Variants in ALDH5A1 observed in about 807,000 individuals in gnomAD.
ALDH5A1 encodes the protein succinate-semialdehyde dehydrogenase, mitochondrial.
ALDH5A1 carries 33 observed loss-of-function variants against 54.7 expected under a neutral mutation model. The observed-to-expected ratio is 0.60, with a 90% CI of 0.46 to 0.81. ALDH5A1 has a LOEUF of 0.81. ALDH5A1 is among the 30% of genes least tolerant of loss of function. ALDH5A1 has a pLI of 0.00. For synonymous variants in ALDH5A1, 294 were observed against 292.7 expected (o/e 1.00, Z -0.05); for missense variants, 657 against 711.0 (o/e 0.92, Z 0.86).
chr6:24,509,620 G>A lies in ALDH5A1; in HGVS notation c.726+4635G>A, dbSNP rs758193525. Among the ~76,000 whole-genome samples the A allele has an allele frequency of 2.0e-5, 3 of 152,098 alleles. No homozygotes were observed. ...TAGTTTATGTGTGTAAAGGTGTTCAGAGTAGCCTTGAATGATCTTTTGTAC... is the reference window on the plus strand; with the variant it reads ...TAGTTTATGTGTGTAAAGGTGTTCAAAGTAGCCTTGAATGATCTTTTGTAC... On this transcript the variant is annotated intron_variant, in intron 4 of 9. Coordinates refer to ENST00000357578, the MANE Select transcript of ALDH5A1 (RefSeq NM_001080.3). The surrounding 1 kb of genome is among the most constrained non-coding windows in gnomAD (Gnocchi z 4.7).
At chr6:24,506,755 A>G (rs562370697) in intron 4 of ALDH5A1, among the ~76,000 whole-genome samples, 172 of 152,288 alleles carry the variant, frequency 1.1e-3, no homozygotes, top group African/African-American at 3.9e-3. Flanking sequence ...TTATTTTAGA[A>G]TAGTTTTACA....
At chr6:24,514,691 A>G (rs1188817031) in intron 4 of ALDH5A1, among the ~76,000 whole-genome samples, 5 of 152,048 alleles carry the variant, frequency 3.3e-5, no homozygotes, top group Non-Finnish European at 7.4e-5. Context: ...GATTATGCCA[A>G]TGCACTCCAG....
chr6:24,531,667 A>T (rs149858359), intron 8 of ALDH5A1, among the ~76,000 whole-genome samples: 1,959 of 152,304 alleles, frequency 0.013, 82 homozygotes, highest in Non-Finnish European at 8.3e-3. Context: ...GGAGACTCCA[A>T]GCATCGTGCC....
chr6:24,519,530 A>T (rs1019481264), intron 5 of ALDH5A1, among the ~76,000 whole-genome samples: 1 of 152,122 alleles, frequency 6.6e-6, no homozygotes, highest in South Asian at 2.1e-4. Context: ...GCGCCACTGC[A>T]CTACAGCCTG....
At chr6:24,531,373 G>C (rs920150934) in intron 8 of ALDH5A1, among the ~76,000 whole-genome samples, 3 of 152,196 alleles carry the variant, frequency 2.0e-5, no homozygotes, top group African/African-American at 7.2e-5. Flanking sequence ...AGTTGACTAT[G>C]ATGTAGCTCT....
chr6:24,528,297 C>A, intron 8 of ALDH5A1, 131 bp downstream of exon 8: 1 of 971,672 alleles, frequency 1.0e-6, no homozygotes, highest in Non-Finnish European at 1.6e-6. Flanking sequence ...CATTGAAGAG[C>A]AGAGTGCAAT....
At chr6:24,498,838 C>T (rs763968187) in intron 1 of ALDH5A1, among the ~76,000 whole-genome samples, 7 of 152,192 alleles carry the variant, frequency 4.6e-5, no homozygotes, top group Non-Finnish European at 7.3e-5. Context: ...GTGGCTCACA[C>T]TTGTAATCCC....
At chr6:24,526,973 T>A (rs1357496652) in intron 7 of ALDH5A1, among the ~76,000 whole-genome samples, 76 of 6,762 alleles carry the variant, frequency 0.011, no homozygotes, top group African/African-American at 0.023. Context: ...TATGTGTGTG[T>A]GTATATATAT....
At chr6:24,495,472 A>G in intron 1 of ALDH5A1, 122 bp downstream of exon 1, 1 of 977,314 alleles carries the variant, frequency 1.0e-6, no homozygotes, top group Non-Finnish European at 1.5e-6. Flanking sequence ...TCCCCAGGGT[A>G]TACAAAGTGG....
intron 4 of ALDH5A1, 87 bp downstream of exon 4, chr6:24,505,072 C>G (rs1759311872): frequency 2.1e-6 from 3 of 1,405,882 alleles, no homozygotes; most frequent in Non-Finnish European, 3.0e-6. Context: ...ATTTTGGAGC[C>G]TACTTCTTTG....
intron 4 of ALDH5A1, among the ~76,000 whole-genome samples, chr6:24,508,102 C>T (rs574392647): frequency 2.2e-4 from 33 of 152,014 alleles, no homozygotes; most frequent in Non-Finnish European, 2.6e-4. Context: ...CGGTGGCTCA[C>T]GCCTGTAATC....
At chr6:24,515,456 G>A (rs903221394) in intron 5 of ALDH5A1, 146 bp downstream of exon 5, 8 of 976,142 alleles carry the variant, frequency 8.2e-6, no homozygotes, top group South Asian at 1.5e-5. Flanking sequence ...CAAGCACGGC[G>A]GCTCATGCCT....
At chr6:24,500,988 A>G (rs950295196) in intron 1 of ALDH5A1, among the ~76,000 whole-genome samples, 4 of 152,226 alleles carry the variant, frequency 2.6e-5, no homozygotes, top group Non-Finnish European at 5.9e-5. Context: ...TAAGGGGAAG[A>G]TAAGATTTCT....
intron 1 of ALDH5A1, among the ~76,000 whole-genome samples, chr6:24,498,696 G>A (rs1334993479): frequency 2.0e-5 from 3 of 152,186 alleles, no homozygotes; most frequent in Admixed American, 2.0e-4. Flanking sequence ...GGGCACGGTG[G>A]CTAACGCCTG....
intron 6 of ALDH5A1, among the ~76,000 whole-genome samples, chr6:24,521,924 T>C (rs1000732283): frequency 6.1e-5 from 9 of 146,954 alleles, no homozygotes; most frequent in African/African-American, 2.3e-4. Context: ...TGAAGTGTAG[T>C]GGCATGATGT....
At chr6:24,519,328 G>A (rs539951449) in intron 5 of ALDH5A1, among the ~76,000 whole-genome samples, 1 of 152,184 alleles carries the variant, frequency 6.6e-6, no homozygotes. Context: ...ACTTTGGGAG[G>A]CTGAGGCAGA....
At chr6:24,525,663 G>A (rs1015447902) in intron 7 of ALDH5A1, among the ~76,000 whole-genome samples, 7 of 152,178 alleles carry the variant, frequency 4.6e-5, no homozygotes, top group African/African-American at 1.7e-4. Flanking sequence ...AGCAGAGATC[G>A]CACCAGTGCA....
At chr6:24,525,201 T>C (rs1368318804) in intron 7 of ALDH5A1, among the ~76,000 whole-genome samples, 1 of 152,150 alleles carries the variant, frequency 6.6e-6, no homozygotes, top group South Asian at 2.1e-4. Flanking sequence ...CAGATTATAT[T>C]TGGGGAGGAA....
chr6:24,519,935 T>C (rs191972154), intron 5 of ALDH5A1, among the ~76,000 whole-genome samples: 32 of 151,916 alleles, frequency 2.1e-4, no homozygotes, highest in African/African-American at 7.0e-4. Flanking sequence ...CACTTACTTA[T>C]ATGGTTGAAA....
Sources: gnomAD v4.1 joint callset for allele counts (sites outside exome capture counted in the v4.1 genomes callset) on GRCh38, gnomAD v4.1.1 for gene constraint, Gnocchi (gnomAD v3.1) non-coding constraint, MANE v1.5 for transcripts, NCBI Gene and HGNC (gene_info 2026-07-23, HGNC 2026-07-21) for gene names.